The following CATSPERE variants were observed in gnomAD, a reference collection of about 807,000 sequenced individuals.
The protein encoded by CATSPERE is cation channel sperm-associated auxiliary subunit epsilon.
In CATSPERE, 93 loss-of-function variants were observed where a neutral mutation model predicts 114.1. The ratio of observed to expected loss-of-function variants is 0.81; its 90% CI spans 0.69 to 0.97. The LOEUF is 0.97. Among genes scored for constraint, CATSPERE ranks in the 50% least tolerant of loss-of-function variants. The pLI, the probability that CATSPERE is intolerant of heterozygous loss-of-function variation, is 0.00. For synonymous variants in CATSPERE, 341 were observed against 384.1 expected, an observed-to-expected ratio of 0.89 and a Z score of 1.31; for missense variants, 1,058 against 1,131.6, an observed-to-expected ratio of 0.93 and a Z score of 0.93.
chr1:244,572,410 C>G lies in CATSPERE; in HGVS notation c.1588C>G (p.Leu530Val). 6.3e-7 allele frequency: 1 copy of G among 1,586,984 alleles called. No individual in the cohort carries two copies. Among genetic ancestry groups the G allele is most frequent in the South Asian group, 1.1e-5 (1 of 90,374 alleles). The stretch of plus-strand genomic sequence containing the variant: ...GATTAATACTAGAGATGCAGTAAAG[C>G]TGCATTTATGGACAAATTACACAAC... ...SKINTRDAVK[L>V]HLWTNYTTRA... Residue 530 changes from leucine (L) to valine (V), a missense_variant, in exon 11 of 22, where the codon CTG becomes GTG. Around this residue, in one of 2 missense-constraint regions of CATSPERE, gnomAD observed 787 missense variants for 905.6 expected, o/e 0.87. Transcript: ENST00000366534.
intron 1 of CATSPERE, among the ~76,000 whole-genome samples, chr1:244,463,347 G>A (rs571291210): frequency 1.3e-4 from 19 of 151,860 alleles, no homozygotes; most frequent in South Asian, 6.2e-4. Flanking sequence ...ACCCTCCATC[G>A]CAGCAACATG....
intron 8 of CATSPERE, among the ~76,000 whole-genome samples, chr1:244,527,943 G>A (rs894051608): frequency 5.3e-5 from 8 of 152,082 alleles, no homozygotes; most frequent in Non-Finnish European, 1.2e-4. Flanking sequence ...TCACCCTGTT[G>A]CCCAAGCTGG....
chr1:244,565,464 G>T (rs1007744268), intron 10 of CATSPERE, among the ~76,000 whole-genome samples: 1 of 152,046 alleles, frequency 6.6e-6, no homozygotes, highest in South Asian at 2.1e-4. Context: ...ACTTCTTCCT[G>T]GTTTCATTTT....
chr1:244,490,263 C>G (rs911178259), intron 5 of CATSPERE, among the ~76,000 whole-genome samples, 184 bp from the exon 6 acceptor site: 2 of 152,076 alleles, frequency 1.3e-5, no homozygotes, highest in Non-Finnish European at 2.9e-5. Context: ...GAATCAGTAA[C>G]GATATTGATA....
At chr1:244,543,200 T>G (rs1460695468) in intron 8 of CATSPERE, among the ~76,000 whole-genome samples, 1 of 152,126 alleles carries the variant, frequency 6.6e-6, no homozygotes, top group Non-Finnish European at 1.5e-5. Context: ...GTTCACTGAT[T>G]CACAATAGCT....
chr1:244,512,840 A>G (rs1393457972), intron 7 of CATSPERE, among the ~76,000 whole-genome samples: 5 of 152,212 alleles, frequency 3.3e-5, no homozygotes, highest in Admixed American at 1.3e-4. Flanking sequence ...TTCTTCAGCT[A>G]TATAATCAGC....
In CATSPERE at chr1:244,463,922, G is replaced by T; in HGVS notation, c.80G>T (p.Ser27Ile). ...GSALWRYSTN[S>I]PNYRIFSTRS... The stretch of plus-strand genomic sequence containing the variant: ...TTCCTCCACAGGTATTCCACTAACA[G>T]CCCAAACTATCGCATTTTTAGTACC... The change falls in exon 2 of 22, where the codon AGC (serine) becomes ATC (isoleucine). Residue 27 changes from serine (S) to isoleucine (I), a missense_variant. Transcript: ENST00000366534. 6.2e-7 allele frequency: 1 copy of T among 1,601,380 alleles called. No homozygotes were observed. The highest frequency in any genetic ancestry group is 8.6e-7 in the Non-Finnish European group (1 of 1,168,630).
Position 244,568,667 on chromosome 1 carries a change from C to T in CATSPERE, c.1508-3663C>T, listed in dbSNP as rs1284286140. Among the ~76,000 whole-genome samples the T allele has an allele frequency of 6.6e-6, 1 of 152,178 alleles. No homozygotes were observed. The highest frequency in any genetic ancestry group is 1.5e-5 in the Non-Finnish European group (1 of 68,032). On this transcript the variant is annotated intron_variant, in intron 10 of 21. Transcript: ENST00000366534. This position sits in a 1 kb window ranked among gnomAD's most constrained non-coding sequence, Gnocchi z 4.4. ...TGAGGGGAAAACCGCCTACTCAAGC[C>T]TCAGTAATGGCAGACGCTCCTACCC...
rs28697217 is a variant in CATSPERE at position 244,621,242 on chromosome 1, G to A, written c.2648+3556G>A. Among the ~76,000 whole-genome samples, 29 of 6,070 alleles carry A rather than the reference G, an allele frequency of 4.8e-3. 3 individuals carry two copies. Among genetic ancestry groups the A allele is most frequent in the Admixed American group, 0.029 (10 of 342 alleles). The allele number at this position is 6,070 out of a possible 152,430, so 4.0% of individuals were successfully genotyped here. A position where few individuals can be genotyped will look rare whatever the true frequency, so the allele number is the denominator to read the frequency against. On this transcript the variant is annotated intron_variant, in intron 20 of 21. Transcript: ENST00000366534. ...ATATTTATATAAATATATTTATATA[G>A]ATATATTTATATAGATATATTTATA...
At chr1:244,513,804 A>G (rs1676148373) in intron 7 of CATSPERE, among the ~76,000 whole-genome samples, 1 of 152,162 alleles carries the variant, frequency 6.6e-6, no homozygotes, top group Admixed American at 6.5e-5. Flanking sequence ...TAAAAAATGC[A>G]TGCAGGCCGC....
chr1:244,454,817 A>G (rs904168766), intron 1 of CATSPERE, among the ~76,000 whole-genome samples: 2 of 152,184 alleles, frequency 1.3e-5, no homozygotes, highest in Admixed American at 1.3e-4. Context: ...GTCACAGGAT[A>G]GAACGTGGGT....
In CATSPERE at chr1:244,583,835, C is replaced by T. The variant is rs770907887; in HGVS notation, c.2010-29C>T. On this transcript the variant is annotated intron_variant, in intron 12 of 21. Coordinates refer to ENST00000366534, the MANE Select transcript of CATSPERE (RefSeq NM_001130957.2). Reference sequence around the variant, plus strand: ...TGTCATGCCTGTCTCTCACATGATACAATAACCTGTACGAATTGTTTCTCC... The same window carrying T: ...TGTCATGCCTGTCTCTCACATGATATAATAACCTGTACGAATTGTTTCTCC... 1.9e-6 allele frequency: 3 copies of T among 1,601,072 alleles called. No individual in the cohort carries two copies. The South Asian group carries it at 3.3e-5, about 18-fold the overall frequency.
At chr1:244,506,836 T>C (rs1674901135) in intron 7 of CATSPERE, among the ~76,000 whole-genome samples, 1 of 152,190 alleles carries the variant, frequency 6.6e-6, no homozygotes, top group Non-Finnish European at 1.5e-5. Context: ...CACCCTACTA[T>C]GCTATCAAAC....
chr1:244,591,947 C>T (rs1188996133), intron 15 of CATSPERE, among the ~76,000 whole-genome samples: 1 of 152,162 alleles, frequency 6.6e-6, no homozygotes, highest in East Asian at 1.9e-4. Flanking sequence ...ATTGGATAAG[C>T]AAAGCAAGCC....
chr1:244,583,734 A>G (rs1214567301), intron 12 of CATSPERE, 130 bp from the exon 13 acceptor site: 5 of 692,462 alleles, frequency 7.2e-6, no homozygotes, highest in Non-Finnish European at 9.9e-6. Flanking sequence ...ACCATCCTCC[A>G]GGCCTCTAGA....
chr1:244,591,770 A>G, intron 15 of CATSPERE, 39 bp downstream of exon 15: 1 of 1,200,936 alleles, frequency 8.3e-7, no homozygotes, highest in East Asian at 2.4e-5. Context: ...GTTTTATATT[A>G]ACGTAGTACC....
chr1:244,507,631 T>A (rs1040524553), intron 7 of CATSPERE, among the ~76,000 whole-genome samples: 3 of 152,150 alleles, frequency 2.0e-5, no homozygotes, highest in Non-Finnish European at 1.5e-5. Context: ...TACCTTTAAG[T>A]CTTTAATTCA....
chr1:244,636,773 T>A (rs570929629), intron 21 of CATSPERE: 8 of 152,512 alleles, frequency 5.2e-5, no homozygotes, highest in African/African-American at 1.9e-4. Context: ...TAGCCTCTGT[T>A]AACACCTGGG....
At chr1:244,556,007 CA>C (rs1249616485) in intron 9 of CATSPERE, among the ~76,000 whole-genome samples, 1 of 152,092 alleles carries the variant, frequency 6.6e-6, no homozygotes, top group Non-Finnish European at 1.5e-5. Flanking sequence ...GCCTGGGCAA[CA>C]AAGCAAAATC....
Sources: gnomAD v4.1 joint callset for allele counts (sites outside exome capture counted in the v4.1 genomes callset) on GRCh38, gnomAD v4.1.1 for gene constraint, gnomAD v4.1.1 regional missense constraint, Gnocchi (gnomAD v3.1) non-coding constraint, MANE v1.5 for transcripts, NCBI Gene and HGNC (gene_info 2026-07-23, HGNC 2026-07-21) for gene names.